The following ARAP1 variants were observed in gnomAD, a reference collection of about 807,000 sequenced individuals.
The protein encoded by ARAP1 is ArfGAP with RhoGAP domain, ankyrin repeat and PH domain 1.
Under a neutral mutation model 172.2 loss-of-function variants are expected in ARAP1, and 76 were observed. The ratio of observed to expected loss-of-function variants is 0.44; its 90% CI spans 0.37 to 0.53. ARAP1 has a LOEUF of 0.53. Ranked by LOEUF, ARAP1 falls within the 20% of genes least tolerant of loss-of-function variation. The pLI, the probability that ARAP1 is intolerant of heterozygous loss-of-function variation, is 0.00. For missense variants in ARAP1, 1,686 were observed against 1,977.5 expected, an observed-to-expected ratio of 0.85 and a Z score of 2.80; for synonymous variants, 804 against 803.3, an observed-to-expected ratio of 1.00 and a Z score of -0.01.
rs761838413 is a variant in ARAP1, at chr11:72,710,628, G to A, written c.1214-41C>T. On this transcript the variant is annotated intron_variant, in intron 9 of 34. Coordinates refer to ENST00000393609, the MANE Select transcript of ARAP1 (RefSeq NM_001040118.3). This position sits in a 1 kb window ranked among gnomAD's most constrained non-coding sequence, Gnocchi z 4.3. ...AGAGGAGTAAGCCCAAGGTTGCAGGGAGCCCCTCAGGGGTCTCCTGGCCCT... is the reference window on the plus strand; with the variant it reads ...AGAGGAGTAAGCCCAAGGTTGCAGGAAGCCCCTCAGGGGTCTCCTGGCCCT... 1.5e-5 allele frequency: 23 copies of A among 1,557,000 alleles called. No individual in the cohort carries two copies. Among genetic ancestry groups the A allele is most frequent in the Non-Finnish European group, 2.0e-5 (23 of 1,152,458 alleles).
chr11:72,742,020 G>A (rs1336643207), intron 1 of ARAP1, among the ~76,000 whole-genome samples: 2 of 152,140 alleles, frequency 1.3e-5, no homozygotes, highest in Non-Finnish European at 2.9e-5. Context: ...CTGCTGGCAC[G>A]TGAAAGGGGA....
chr11:72,699,598 C>T lies in ARAP1; in HGVS notation c.2303-46G>A. Reference sequence around the variant, plus strand: ...GGAGCCATCAGGGAGCCCCCCACCACCTGAAAACCACCTCTGCATCCTCCC... The same window carrying T: ...GGAGCCATCAGGGAGCCCCCCACCATCTGAAAACCACCTCTGCATCCTCCC... On this transcript the variant is annotated intron_variant, in intron 16 of 34. Coordinates refer to ENST00000393609, the MANE Select transcript of ARAP1 (RefSeq NM_001040118.3). This position sits in a 1 kb window ranked among gnomAD's most constrained non-coding sequence, Gnocchi z 4.2. 6.3e-7 allele frequency: 1 copy of T among 1,587,378 alleles called. No homozygotes were observed. Among genetic ancestry groups the T allele is most frequent in the Non-Finnish European group, 8.6e-7 (1 of 1,167,456 alleles).
intron 1 of ARAP1, among the ~76,000 whole-genome samples, chr11:72,740,683 C>A (rs1227934650): frequency 1.3e-5 from 2 of 152,112 alleles, no homozygotes; most frequent in African/African-American, 4.8e-5. Flanking sequence ...CCCGACTTAC[C>A]CTCCCAAGGG....
chr11:72,699,171 A>G lies in ARAP1; in HGVS notation c.2439-64T>C, dbSNP rs1591184164. On this transcript the variant is annotated intron_variant, in intron 17 of 34. Coordinates refer to ENST00000393609, the MANE Select transcript of ARAP1 (RefSeq NM_001040118.3). The surrounding 1 kb of genome is among the most constrained non-coding windows in gnomAD (Gnocchi z 4.2). ...CAGCACGGGCCCACCCCCAACCCGC[A>G]CCATCAACCGCCATCCTCTGCCCCC... 6.4e-7 allele frequency: 1 copy of G among 1,552,436 alleles called. No individual in the cohort carries two copies. The highest frequency in any genetic ancestry group is 8.9e-7 in the Non-Finnish European group (1 of 1,127,906).
In ARAP1 at chr11:72,695,669, T is replaced by A. The variant is rs1442187644; in HGVS notation, c.3421-41A>T. 6.2e-7 allele frequency: 1 copy of A among 1,614,100 alleles called. No individual in the cohort carries two copies. Among genetic ancestry groups the A allele is most frequent in the Admixed American group, 1.7e-5 (1 of 60,020 alleles). ...AGGCAGGGACAGGTGGTCACCGTCA[T>A]CTGCAAGGATCACCCCTGCCCTCCA... On this transcript the variant is annotated intron_variant, in intron 24 of 34. Coordinates refer to ENST00000393609, the MANE Select transcript of ARAP1 (RefSeq NM_001040118.3). The surrounding 1 kb of genome is among the most constrained non-coding windows in gnomAD (Gnocchi z 4.4).
At chr11:72,727,529 C>T (rs1213392033) in intron 2 of ARAP1, among the ~76,000 whole-genome samples, 1 of 152,218 alleles carries the variant, frequency 6.6e-6, no homozygotes, top group Non-Finnish European at 1.5e-5. Context: ...TGTCTTATAC[C>T]TCCTCCCCAC....
chr11:72,723,514 C>T (rs1857593813), intron 3 of ARAP1, among the ~76,000 whole-genome samples: 1 of 152,170 alleles, frequency 6.6e-6, no homozygotes, highest in East Asian at 1.9e-4. Context: ...CTATCACAGC[C>T]TCGTTCTTCC....
In ARAP1 at chr11:72,699,443, C is replaced by G. The variant is rs1469305671; in HGVS notation, c.2412G>C (p.Leu804=). 1 of 1,614,020 alleles carries G rather than the reference C, an allele frequency of 6.2e-7. No homozygotes were observed. Among genetic ancestry groups the G allele is most frequent in the Non-Finnish European group, 8.5e-7 (1 of 1,180,042 alleles). The change falls in exon 17 of 35, where the codon CTG becomes CTC. Residue 804 remains leucine (L), a synonymous_variant. Transcript: ENST00000393609. This position sits in a 1 kb window ranked among gnomAD's most constrained non-coding sequence, Gnocchi z 4.2. ...CATGGGTGTCAGGAGGGGGCACTGC[C>G]AGGCACACAATCTCGCTGGCCCGAA... ...GEIRASEIVC[L]AVPPPDTHGF...
Position 72,699,485 on chromosome 11 carries a change from C to T in ARAP1, c.2370G>A (p.Val790=). ...TGGCCCGAATCTCTCCATTGGGGGT[C>T]ACTGCCCGCTCATTCTCAAAGTAGC... The part of the protein sequence containing the change: ...VLSYFENERA[V]TPNGEIRASE... The change falls in exon 17 of 35, where the codon GTG becomes GTA. Residue 790 remains valine, a synonymous_variant. Coordinates refer to ENST00000393609, the MANE Select transcript of ARAP1 (RefSeq NM_001040118.3). The surrounding 1 kb of genome is among the most constrained non-coding windows in gnomAD (Gnocchi z 4.2). 1 of 1,614,040 alleles carries T rather than the reference C, an allele frequency of 6.2e-7. No individual in the cohort carries two copies. Among genetic ancestry groups the T allele is most frequent in the Non-Finnish European group, 8.5e-7 (1 of 1,180,000 alleles).
In ARAP1 at chr11:72,729,633, T is replaced by C. The variant is rs554416376; in HGVS notation, c.-44-2461A>G. On this transcript the variant is annotated intron_variant, in intron 2 of 34. Coordinates refer to ENST00000393609, the MANE Select transcript of ARAP1 (RefSeq NM_001040118.3). ...AATGAAAGGATTTACGAAATCATCCTAGGGCTGGGTATGGTGGCTCACGCC... is the reference window on the plus strand; with the variant it reads ...AATGAAAGGATTTACGAAATCATCCCAGGGCTGGGTATGGTGGCTCACGCC... Among the ~76,000 whole-genome samples, 6 of 151,776 alleles carry C rather than the reference T, an allele frequency of 4.0e-5. No homozygotes were observed. The South Asian group carries it at 8.3e-4, about 21-fold the overall frequency.
intron 11 of ARAP1, 167 bp downstream of exon 11, chr11:72,709,703 G>T: frequency 1.4e-6 from 1 of 709,240 alleles, no homozygotes; most frequent in Non-Finnish European, 2.5e-6. Flanking sequence ...GAGGGAAGGA[G>T]ATCAGAGAGG....
chr11:72,702,495 A>G (rs1252569452), intron 15 of ARAP1, among the ~76,000 whole-genome samples: 1 of 152,224 alleles, frequency 6.6e-6, no homozygotes, highest in Non-Finnish European at 1.5e-5. Flanking sequence ...GGCAGTAGAC[A>G]GGGCTGCCTA....
rs764465140 is a variant in ARAP1 at position 72,726,820 on chromosome 11, G to T, written c.309C>A (p.Pro103=). 2.6e-6 allele frequency: 4 copies of T among 1,565,856 alleles called. No homozygotes were observed. The South Asian group carries it at 3.5e-5, about 14-fold the overall frequency. Residue 103 remains proline (P), a synonymous_variant, in exon 3 of 35, where the codon CCC becomes CCA. Coordinates refer to ENST00000393609, the MANE Select transcript of ARAP1 (RefSeq NM_001040118.3). This position sits in a 1 kb window ranked among gnomAD's most constrained non-coding sequence, Gnocchi z 6.5. ...GGAGCCCCTCATCCTCTGTAGTGGT[G>T]GGCAGCGGCTCGGGTGGAGTGGCAG... is the stretch of plus-strand genomic sequence containing the variant. ...PVPATPPEPL[P]TTTEDEGLPA...
At chr11:72,743,382 C>G (rs925453321) in intron 1 of ARAP1, among the ~76,000 whole-genome samples, 4 of 151,986 alleles carry the variant, frequency 2.6e-5, no homozygotes, top group African/African-American at 9.7e-5. Context: ...CCAACCCCCA[C>G]CTCAAATCCC....
chr11:72,710,248 C>T lies in ARAP1; in HGVS notation c.1416+137G>A, dbSNP rs144645552. 1.5e-4 allele frequency: 173 copies of T among 1,117,752 alleles called. No individual in the cohort carries two copies. In the East Asian group the frequency reaches 3.6e-3, roughly 23 times the overall value. The allele number at this position is 1,117,752 out of a possible 1,614,324, so 69.2% of individuals were successfully genotyped here. On this transcript the variant is annotated intron_variant, in intron 10 of 34. Transcript: ENST00000393609. The surrounding 1 kb of genome is among the most constrained non-coding windows in gnomAD (Gnocchi z 4.3). ...GGGAAGTGGTCAGAACTTGGGGGAGCGAGGACATATCCAGGCAAAGGGCTG... is the reference window on the plus strand; with the variant it reads ...GGGAAGTGGTCAGAACTTGGGGGAGTGAGGACATATCCAGGCAAAGGGCTG...
chr11:72,685,570 C>G lies in ARAP1; in HGVS notation c.*94G>C. ...GTGGGGTGCAGTTTCCCATGCACCC[C>G]CCGCTGGCTCACATCAGGCCTTGGA... On this transcript the variant is annotated 3_prime_UTR_variant, in exon 35 of 35. Transcript: ENST00000393609. 4.5e-6 allele frequency: 7 copies of G among 1,551,482 alleles called. No individual in the cohort carries two copies. The highest frequency in any genetic ancestry group is 6.2e-6 in the Non-Finnish European group (7 of 1,124,226).
Position 72,693,685 on chromosome 11 carries a change from C to T in ARAP1, c.3808+7G>A, listed in dbSNP as rs764451845. On this transcript the variant is annotated splice_region_variant and intron_variant, in intron 28 of 34. Coordinates refer to ENST00000393609, the MANE Select transcript of ARAP1 (RefSeq NM_001040118.3). The surrounding 1 kb of genome is among the most constrained non-coding windows in gnomAD (Gnocchi z 4.6). ...CGGAGCCTGGCCACCCTGCAGGCAC[C>T]ACCTACCCAGGTACAGCAGCATGGC... 39 of 1,599,324 alleles carry T rather than the reference C, an allele frequency of 2.4e-5. No homozygotes were observed. The South Asian group carries it at 3.9e-4, about 16-fold the overall frequency.
At chr11:72,720,743 A>T (rs1012914398) in intron 3 of ARAP1, among the ~76,000 whole-genome samples, 1 of 152,106 alleles carries the variant, frequency 6.6e-6, no homozygotes, top group African/African-American at 2.4e-5. Flanking sequence ...TGTGCCAAAC[A>T]TTCTGCTAGG....
chr11:72,710,609 G>C lies in ARAP1; in HGVS notation c.1214-22C>G. On this transcript the variant is annotated intron_variant, in intron 9 of 34. Transcript: ENST00000393609. The surrounding 1 kb of genome is among the most constrained non-coding windows in gnomAD (Gnocchi z 4.3). Reference sequence around the variant, plus strand: ...TCCACTGCAGGAGAAGGGTAGAGGAGTAAGCCCAAGGTTGCAGGGAGCCCC... The same window carrying C: ...TCCACTGCAGGAGAAGGGTAGAGGACTAAGCCCAAGGTTGCAGGGAGCCCC... The C allele has an allele frequency of 6.3e-7, 1 of 1,587,410 alleles. No homozygotes were observed. Among genetic ancestry groups the C allele is most frequent in the Non-Finnish European group, 8.5e-7 (1 of 1,169,796 alleles).
Sources: gnomAD v4.1 joint callset for allele counts (sites outside exome capture counted in the v4.1 genomes callset) on GRCh38, gnomAD v4.1.1 for gene constraint, Gnocchi (gnomAD v3.1) non-coding constraint, MANE v1.5 for transcripts, NCBI Gene and HGNC (gene_info 2026-07-23, HGNC 2026-07-21) for gene names.